Variants in NPFFR2 observed in about 807,000 individuals in gnomAD.
NPFFR2 encodes the protein G-protein coupled receptor 74.
In NPFFR2, 15 loss-of-function variants were observed where a neutral mutation model predicts 13.1. That is an observed-to-expected ratio of 1.15 (90% CI 0.77 to 1.76). The LOEUF (loss-of-function observed/expected upper bound fraction) is 1.76, where lower values mean the gene tolerates loss of function less well. Ranked by LOEUF, NPFFR2 falls within the 40% of genes most tolerant of loss-of-function variation. The probability of loss-of-function intolerance (pLI) is 0.00; values close to 1 mark genes in which losing one functional copy is unlikely to be tolerated. For missense variants in NPFFR2, 572 were observed against 503.5 expected, an observed-to-expected ratio of 1.14 and a Z score of -1.30; for synonymous variants, 190 against 175.7, an observed-to-expected ratio of 1.08 and a Z score of -0.65.
At chr4:72,063,129 T>C (rs1359113642) in intron 1 of NPFFR2, among the ~76,000 whole-genome samples, 1 of 152,188 alleles carries the variant, frequency 6.6e-6, no homozygotes, top group Non-Finnish European at 1.5e-5. Context: ...TTTTTGATGC[T>C]TTTTCTAAAT....
chr4:72,110,758 G>A (rs1337564665), intron 1 of NPFFR2, among the ~76,000 whole-genome samples: 1 of 151,972 alleles, frequency 6.6e-6, no homozygotes, highest in African/African-American at 2.4e-5. Context: ...GTCTGTGTAT[G>A]TTCTGGTTTC....
chr4:72,119,614 G>A (rs1042011501), intron 1 of NPFFR2, among the ~76,000 whole-genome samples: 1 of 152,168 alleles, frequency 6.6e-6, no homozygotes, highest in Admixed American at 6.5e-5. Context: ...GACAGTGGGT[G>A]CAGCCCACGG....
intron 1 of NPFFR2, among the ~76,000 whole-genome samples, chr4:72,073,214 G>A (rs1046545267): frequency 3.3e-5 from 5 of 151,968 alleles, no homozygotes; most frequent in Non-Finnish European, 7.4e-5. Flanking sequence ...TAGATGGTTT[G>A]TAACACCAAG....
At chr4:72,052,549 A>G (rs1015133000) in intron 1 of NPFFR2, among the ~76,000 whole-genome samples, 4 of 152,004 alleles carry the variant, frequency 2.6e-5, no homozygotes, top group Non-Finnish European at 5.9e-5. Context: ...ATACTGAATG[A>G]GCAAAAACTG....
chr4:72,146,703 C>T, intron 3 of NPFFR2: 1 of 348,070 alleles, frequency 2.9e-6, no homozygotes, highest in South Asian at 7.8e-5. Context: ...ATTAATGGAA[C>T]AGAGTCTGAA....
At chr4:72,055,322 T>A (rs1031760133) in intron 1 of NPFFR2, among the ~76,000 whole-genome samples, 1 of 151,864 alleles carries the variant, frequency 6.6e-6, no homozygotes, top group Non-Finnish European at 1.5e-5. Flanking sequence ...GTTTGAAATA[T>A]TGCATCTGTG....
At chr4:72,068,926 C>T (rs545635264) in intron 1 of NPFFR2, 56 of 1,299,842 alleles carry the variant, frequency 4.3e-5, no homozygotes, top group Middle Eastern at 1.9e-4. Context: ...TCCTCAGTTG[C>T]GAAATTAGGA....
chr4:72,054,454 C>T (rs1162151055), intron 1 of NPFFR2, among the ~76,000 whole-genome samples: 1 of 151,882 alleles, frequency 6.6e-6, no homozygotes, highest in Non-Finnish European at 1.5e-5. Context: ...TTAACTCTTA[C>T]ATTACACCAT....
At chr4:72,079,327 G>GA (rs1720535297) in intron 1 of NPFFR2, among the ~76,000 whole-genome samples, 1 of 151,594 alleles carries the variant, frequency 6.6e-6, no homozygotes, top group Non-Finnish European at 1.5e-5. Flanking sequence ...AGTTCCTATT[G>GA]AAAAAAACAT....
At chr4:72,110,343 A>G (rs1721531095) in intron 1 of NPFFR2, among the ~76,000 whole-genome samples, 1 of 151,984 alleles carries the variant, frequency 6.6e-6, no homozygotes, top group Non-Finnish European at 1.5e-5. Flanking sequence ...TCAGTCAATT[A>G]AACCTCTTTC....
chr4:72,127,688 A>T (rs13434775), intron 1 of NPFFR2, among the ~76,000 whole-genome samples: 10,623 of 151,622 alleles, frequency 0.07, 1,135 homozygotes, highest in African/African-American at 0.23. Context: ...ACATTGTGTA[A>T]GAACAGAATT....
intron 1 of NPFFR2, among the ~76,000 whole-genome samples, chr4:72,068,431 A>C (rs1198768830): frequency 4.6e-5 from 7 of 152,222 alleles, no homozygotes; most frequent in African/African-American, 1.7e-4. Flanking sequence ...AAGAGCCCTC[A>C]TGCTCTAATC....
At chr4:72,058,152 T>C (rs1445824515) in intron 1 of NPFFR2, among the ~76,000 whole-genome samples, 2 of 152,000 alleles carry the variant, frequency 1.3e-5, no homozygotes, top group East Asian at 3.9e-4. Flanking sequence ...TGATTTTGAT[T>C]ATCGTGTTGT....
intron 3 of NPFFR2, among the ~76,000 whole-genome samples, chr4:72,143,582 C>T (rs576669523): frequency 6.6e-5 from 10 of 152,266 alleles, no homozygotes; most frequent in African/African-American, 2.2e-4. Context: ...TCCAGAAACA[C>T]TTTTATAGGC....
chr4:72,115,294 T>C (rs1721681870), intron 1 of NPFFR2, among the ~76,000 whole-genome samples: 1 of 152,216 alleles, frequency 6.6e-6, no homozygotes, highest in African/African-American at 2.4e-5. Flanking sequence ...CCAAATTCAC[T>C]TTCAATAAGT....
intron 1 of NPFFR2, among the ~76,000 whole-genome samples, chr4:72,086,515 G>A (rs1440771218): frequency 6.6e-6 from 1 of 151,938 alleles, no homozygotes; most frequent in Non-Finnish European, 1.5e-5. Flanking sequence ...AATTAAGTAA[G>A]GGTCTTGTGA....
intron 1 of NPFFR2, among the ~76,000 whole-genome samples, chr4:72,105,768 A>T (rs1380370769): frequency 6.6e-6 from 1 of 152,044 alleles, no homozygotes; most frequent in African/African-American, 2.4e-5. Context: ...TCAAGGAAAA[A>T]AAAACTATTT....
chr4:72,135,346 C>A (rs1346861267), intron 2 of NPFFR2, among the ~76,000 whole-genome samples: 1 of 151,762 alleles, frequency 6.6e-6, no homozygotes, highest in Non-Finnish European at 1.5e-5. Context: ...TTGTGGAGTT[C>A]TTTTCTGTTT....
intron 3 of NPFFR2, chr4:72,146,651 CTA>C: frequency 8.7e-6 from 2 of 229,318 alleles, no homozygotes; most frequent in Non-Finnish European, 1.7e-5. Context: ...GTCTGTTTTG[CTA>C]TCTTTTAAGC....
Sources: gnomAD v4.1 joint callset for allele counts (sites outside exome capture counted in the v4.1 genomes callset) on GRCh38, gnomAD v4.1.1 for gene constraint, MANE v1.5 for transcripts, NCBI Gene and HGNC (gene_info 2026-07-23, HGNC 2026-07-21) for gene names.